Variants in FAM234B observed in about 807,000 individuals in gnomAD.
The protein encoded by FAM234B is family with sequence similarity 234 member B, also known as protein FAM234B.
In FAM234B, 33 loss-of-function variants were observed where a neutral mutation model predicts 69.3. The observed-to-expected ratio is 0.48, with a 90% CI of 0.36 to 0.64. The LOEUF (loss-of-function observed/expected upper bound fraction) is 0.64, where lower values mean the gene tolerates loss of function less well. FAM234B is among the 30% of genes least tolerant of loss of function. The pLI is 0.00. For synonymous variants in FAM234B, 306 were observed against 306.9 expected (o/e 1.00, Z 0.03); for missense variants, 697 against 769.7 (o/e 0.91, Z 1.12).
chr12:13,077,199 A>G (rs1302942831), intron 11 of FAM234B, among the ~76,000 whole-genome samples: 1 of 152,144 alleles, frequency 6.6e-6, no homozygotes, highest in Non-Finnish European at 1.5e-5. Context: ...GTGAACATCA[A>G]ATAATGGTAA....
At chr12:13,068,562 A>G in intron 8 of FAM234B, 68 bp from the exon 9 acceptor site, 1 of 1,581,636 alleles carries the variant, frequency 6.3e-7, no homozygotes, top group Non-Finnish European at 8.7e-7. Flanking sequence ...AAGAGAAGGG[A>G]GGGAGAGTTC....
chr12:13,080,817 G>A lies in FAM234B; in HGVS notation c.*187G>A, dbSNP rs1444608407. 4 of 523,276 alleles carry A rather than the reference G, an allele frequency of 7.6e-6. No individual in the cohort carries two copies. The highest frequency in any genetic ancestry group is 5.9e-5 in the African/African-American group (3 of 51,044). The allele number at this position is 523,276 out of a possible 1,614,324, so 32.4% of individuals were successfully genotyped here. A position where few individuals can be genotyped will look rare whatever the true frequency, so the allele number is the denominator to read the frequency against. ...CGGCAGCATGATCTATTTGGCTGGG[G>A]CATCTTACCTACCTTTTCAGTCCCT... On this transcript the variant is annotated 3_prime_UTR_variant, in exon 13 of 13. Transcript: ENST00000197268.
At position 13,067,103 on chromosome 12, in the gene FAM234B, G is replaced by C; in HGVS notation, c.1001-52G>C. 6.2e-7 allele frequency: 1 copy of C among 1,606,248 alleles called. No homozygotes were observed. Among genetic ancestry groups the C allele is most frequent in the Non-Finnish European group, 8.5e-7 (1 of 1,174,126 alleles). ...GTCTCTTGCTCAGATCCTCACCATG[G>C]GACAGTTCTGTTAAATTCAACTTCT... On this transcript the variant is annotated intron_variant, in intron 6 of 12. Transcript: ENST00000197268. This position sits in a 1 kb window ranked among gnomAD's most constrained non-coding sequence, Gnocchi z 4.7.
At position 13,079,844 on chromosome 12, in the gene FAM234B, A is replaced by G. The variant is rs780276623; in HGVS notation, c.1698A>G (p.Pro566=). 1 of 1,614,102 alleles carries G rather than the reference A, an allele frequency of 6.2e-7. No individual in the cohort carries two copies. Among genetic ancestry groups the G allele is most frequent in the South Asian group, 1.1e-5 (1 of 91,066 alleles). Residue 566 remains proline, a synonymous_variant, in exon 12 of 13, where the codon CCA becomes CCG. Transcript: ENST00000197268. ...DAFYVTRTTG[P]SSEGHPAALV... ...TTTATGTTACCAGGACAACAGGGCC[A>G]AGCTCCGAAGGCCATCCAGCAGCCC...
chr12:13,045,671 T>C (rs1311625122), intron 1 of FAM234B, among the ~76,000 whole-genome samples: 1 of 152,186 alleles, frequency 6.6e-6, no homozygotes, highest in African/African-American at 2.4e-5. Context: ...GGAACACTGA[T>C]AGCATCTGCC....
intron 2 of FAM234B, among the ~76,000 whole-genome samples, chr12:13,056,854 T>G (rs539903528): frequency 6.6e-6 from 1 of 152,214 alleles, no homozygotes; most frequent in African/African-American, 2.4e-5. Context: ...CTGAATTTTG[T>G]GTTGATTATT....
In FAM234B at chr12:13,059,616, T is replaced by A. The variant is rs146771256; in HGVS notation, c.532+1067T>A. On this transcript the variant is annotated intron_variant, in intron 3 of 12. Coordinates refer to ENST00000197268, the MANE Select transcript of FAM234B (RefSeq NM_020853.2). ...ATGCTGAGGATGCCCTAGTGACTGC[T>A]TTTAAGTCGTCTAGGCCTTGGAATA... Among the ~76,000 whole-genome samples the A allele has an allele frequency of 3.3e-4, 50 of 152,324 alleles. 1 individual carries two copies. The highest frequency in any genetic ancestry group is 1.2e-3 in the African/African-American group (49 of 41,578).
chr12:13,075,947 T>G, intron 10 of FAM234B, 79 bp from the exon 11 acceptor site: 1 of 991,340 alleles, frequency 1.0e-6, no homozygotes, highest in Non-Finnish European at 1.6e-6. Flanking sequence ...CATTTTCTAC[T>G]CTGCCTTTTC....
intron 9 of FAM234B, among the ~76,000 whole-genome samples, chr12:13,070,785 C>G (rs910886200): frequency 2.0e-5 from 3 of 152,130 alleles, no homozygotes; most frequent in Non-Finnish European, 4.4e-5. Flanking sequence ...ACACCGTGCC[C>G]CAGGACAGTG....
At position 13,044,439 on chromosome 12, in the gene FAM234B, G is replaced by A; in HGVS notation, c.36G>A (p.Pro12=). The stretch of plus-strand genomic sequence containing the variant: ...TGCTGTCCAGGGCGCTCAAGCTGCC[G>A]GGTAAGGAGTCGCATGCTTGCGACC... ...ATVLSRALKL[P]GKKSPDLGEY... is the part of the protein sequence containing the mutation. The change falls in exon 1 of 13, where the codon CCG becomes CCA. Residue 12 remains proline, a splice_region_variant and synonymous_variant. Transcript: ENST00000197268. The surrounding 1 kb of genome is among the most constrained non-coding windows in gnomAD (Gnocchi z 5.6). 5 of 1,551,394 alleles carry A rather than the reference G, an allele frequency of 3.2e-6. No individual in the cohort carries two copies. The highest frequency in any genetic ancestry group is 4.4e-6 in the Non-Finnish European group (5 of 1,147,038).
intron 2 of FAM234B, among the ~76,000 whole-genome samples, chr12:13,057,022 G>A (rs146982069): frequency 6.8e-6 from 1 of 145,996 alleles, no homozygotes; most frequent in East Asian, 2.1e-4. Context: ...CTGTCACCCA[G>A]GCTGGGGTGC....
At chr12:13,068,875 A>G (rs1179187270) in intron 9 of FAM234B, among the ~76,000 whole-genome samples, 164 bp downstream of exon 9, 1 of 152,188 alleles carries the variant, frequency 6.6e-6, no homozygotes, top group Admixed American at 6.5e-5. Flanking sequence ...CTCACAATTC[A>G]TTGCTAAAAT....
chr12:13,049,926 G>A (rs549294151), intron 1 of FAM234B, among the ~76,000 whole-genome samples: 4 of 152,130 alleles, frequency 2.6e-5, no homozygotes, highest in East Asian at 1.9e-4. Context: ...TAAATGGGGC[G>A]GTTGTTTGAC....
Position 13,062,833 on chromosome 12 carries a change from GT to G in FAM234B, c.722-11del. The G allele has an allele frequency of 6.2e-7, 1 of 1,613,556 alleles. No homozygotes were observed. Among genetic ancestry groups the G allele is most frequent in the Non-Finnish European group, 8.5e-7 (1 of 1,179,666 alleles). On this transcript the variant is annotated splice_polypyrimidine_tract_variant and intron_variant, in intron 4 of 12. Coordinates refer to ENST00000197268, the MANE Select transcript of FAM234B (RefSeq NM_020853.2). ...AGTTGTCATAGTGACCAGCCTATGT[GT>G]CCTTCCTCAGGGAAAGCCATTTGGA... is the stretch of plus-strand genomic sequence containing the variant.
chr12:13,070,197 ATATATATAT>A (rs1865089901), intron 9 of FAM234B, among the ~76,000 whole-genome samples: 1 of 120,872 alleles, frequency 8.3e-6, no homozygotes, highest in African/African-American at 3.3e-5. Flanking sequence ...ATATATATAT[ATATATATAT>A]ATATAAAATG....
At chr12:13,065,094 C>T (rs967196413) in intron 5 of FAM234B, among the ~76,000 whole-genome samples, 8 of 152,182 alleles carry the variant, frequency 5.3e-5, no homozygotes, top group African/African-American at 1.9e-4. Flanking sequence ...TGAGGCGATC[C>T]ATTTCATTTT....
At chr12:13,047,962 C>G (rs901179482) in intron 1 of FAM234B, among the ~76,000 whole-genome samples, 3 of 152,116 alleles carry the variant, frequency 2.0e-5, no homozygotes, top group South Asian at 2.1e-4. Flanking sequence ...AAAGACTTCT[C>G]TAATCAAAAC....
intron 11 of FAM234B, among the ~76,000 whole-genome samples, chr12:13,077,879 G>T (rs1352680606): frequency 2.6e-5 from 4 of 152,150 alleles, no homozygotes; most frequent in African/African-American, 9.7e-5. Context: ...CTAGTTTACA[G>T]TCCCAACAGT....
chr12:13,075,946 C>G (rs1865154309), intron 10 of FAM234B, 80 bp from the exon 11 acceptor site: 2 of 985,152 alleles, frequency 2.0e-6, no homozygotes, highest in Admixed American at 1.7e-5. Context: ...CCATTTTCTA[C>G]TCTGCCTTTT....
Sources: allele counts gnomAD v4.1 joint callset (sites outside exome capture counted in the v4.1 genomes callset), GRCh38; gene constraint gnomAD v4.1.1; non-coding constraint Gnocchi (gnomAD v3.1); transcripts MANE v1.5; gene names NCBI Gene and HGNC (gene_info 2026-07-23, HGNC 2026-07-21).